The following ANXA3 variants were observed in gnomAD, a reference collection of about 807,000 sequenced individuals.
ANXA3 encodes 35-alpha calcimedin.
ANXA3 carries 46 observed loss-of-function variants against 48.8 expected under a neutral mutation model. The observed-to-expected ratio is 0.94, with a 90% CI of 0.74 to 1.21. The LOEUF (loss-of-function observed/expected upper bound fraction) is 1.21, where lower values mean the gene tolerates loss of function less well. Among genes scored for constraint, ANXA3 ranks in the 50% most tolerant of loss-of-function variants. ANXA3 has a pLI of 0.00. For missense variants in ANXA3, 383 were observed against 378.6 expected, an observed-to-expected ratio of 1.01 and a Z score of -0.10; for synonymous variants, 128 against 134.7, an observed-to-expected ratio of 0.95 and a Z score of 0.35.
intron 12 of ANXA3, among the ~76,000 whole-genome samples, chr4:78,606,782 T>A (rs1039714476): frequency 6.7e-5 from 6 of 89,854 alleles, no homozygotes; most frequent in South Asian, 4.4e-4. Flanking sequence ...CACTAAACTT[T>A]TACAGAAAGA....
At chr4:78,556,026 G>T (rs1211462817) in intron 2 of ANXA3, among the ~76,000 whole-genome samples, 1 of 152,000 alleles carries the variant, frequency 6.6e-6, no homozygotes, top group Non-Finnish European at 1.5e-5. Context: ...TACACTTTTG[G>T]ATAGTATTTT....
intron 2 of ANXA3, among the ~76,000 whole-genome samples, chr4:78,559,529 CA>C (rs1240217066): frequency 6.6e-6 from 1 of 152,158 alleles, no homozygotes; most frequent in East Asian, 1.9e-4. Flanking sequence ...ACTCTGCAAC[CA>C]AGGGATAAGA....
In ANXA3 at chr4:78,610,181, A is replaced by C; in HGVS notation, c.*66A>C. On this transcript the variant is annotated 3_prime_UTR_variant, in exon 13 of 13. Coordinates refer to ENST00000264908, the MANE Select transcript of ANXA3 (RefSeq NM_005139.3). ...CAACAGCTCCACCTTACTTCTTCTC[A>C]TACTATTTAAGAGAACAAGCAAATA... 17 of 1,175,516 alleles carry C rather than the reference A, an allele frequency of 1.4e-5. No homozygotes were observed. Among genetic ancestry groups the C allele is most frequent in the Non-Finnish European group, 1.9e-5 (15 of 804,258 alleles). The allele number at this position is 1,175,516 out of a possible 1,614,324, so 72.8% of individuals were successfully genotyped here.
At chr4:78,575,444 G>A (rs369929494) in intron 3 of ANXA3, among the ~76,000 whole-genome samples, 31 of 152,200 alleles carry the variant, frequency 2.0e-4, no homozygotes, top group Middle Eastern at 3.4e-3. Flanking sequence ...GGTCTTTCCC[G>A]TGCTGTTCTC....
Position 78,597,318 on chromosome 4 carries a change from GCATTTGATGAATA to G in ANXA3, c.637_649del (p.Phe213GlufsTer12). 1 of 1,591,902 alleles carries G rather than the reference GCATTTGATGAATA, an allele frequency of 6.3e-7. No individual in the cohort carries two copies. Among genetic ancestry groups the G allele is most frequent in the East Asian group, 2.2e-5 (1 of 44,580 alleles). On this transcript the variant is annotated frameshift_variant and splice_region_variant, in exon 10 of 13. Coordinates refer to ENST00000264908, the MANE Select transcript of ANXA3 (RefSeq NM_005139.3). LOFTEE classifies it high-confidence loss of function. ...AATAATTTTGTGGTGCTTCTTTTTA[GCATTTGATGAATA>G]CAGAAATATCAGCCAAAAGGACATT... is the stretch of plus-strand genomic sequence containing the variant.
intron 9 of ANXA3, 75 bp from the exon 10 acceptor site, chr4:78,597,244 C>A: frequency 2.1e-6 from 2 of 944,404 alleles, no homozygotes; most frequent in Non-Finnish European, 3.3e-6. Context: ...TTCTGCATAT[C>A]AAATAAAAAA....
At chr4:78,570,938 T>C (rs1345291643) in intron 2 of ANXA3, 1 of 152,234 alleles carries the variant, frequency 6.6e-6, no homozygotes, top group East Asian at 1.9e-4. Context: ...ATCCATAAAA[T>C]ATTTATCAAG....
intron 12 of ANXA3, 101 bp downstream of exon 12, chr4:78,604,500 C>A: frequency 1.2e-5 from 12 of 1,019,274 alleles, no homozygotes; most frequent in Non-Finnish European, 1.7e-5. Context: ...ACTTAGATTT[C>A]TCTCTCCTTG....
At chr4:78,585,640 G>T (rs1225114207) in intron 5 of ANXA3, among the ~76,000 whole-genome samples, 1 of 152,206 alleles carries the variant, frequency 6.6e-6, no homozygotes, top group Non-Finnish European at 1.5e-5. Context: ...GGTAAACTAG[G>T]AATCTCTGCT....
Position 78,578,121 on chromosome 4 carries a change from T to TA in ANXA3, c.104-896dup, listed in dbSNP as rs569083642. Among the ~76,000 whole-genome samples, 1,333 of 147,856 alleles carry TA rather than the reference T, an allele frequency of 9.0e-3. 21 individuals carry two copies. The highest frequency in any genetic ancestry group is 0.032 in the African/African-American group (1,271 of 40,176). ...TGGTGAAACCCCATCTCTACTAAAT[T>TA]AAAAAAAAAATTAGCTGGGCATGAT... On this transcript the variant is annotated intron_variant, in intron 3 of 12. Transcript: ENST00000264908.
intron 3 of ANXA3, among the ~76,000 whole-genome samples, chr4:78,578,331 A>AGAAAGGGAGGG: frequency 2.4e-5 from 1 of 41,380 alleles, no homozygotes; most frequent in Non-Finnish European, 4.4e-5. Context: ...GAGAGAGAGA[A>AGAAAGGGAGGG]AGGGAGGGAG....
chr4:78,586,894 T>G (rs1336716367), intron 6 of ANXA3, among the ~76,000 whole-genome samples: 1 of 152,180 alleles, frequency 6.6e-6, no homozygotes, highest in Non-Finnish European at 1.5e-5. Flanking sequence ...CCCACAAGAC[T>G]ACCTTCACCT....
chr4:78,597,290 T>G, intron 9 of ANXA3, 29 bp from the exon 10 acceptor site: 1 of 1,443,040 alleles, frequency 6.9e-7, no homozygotes, highest in Non-Finnish European at 9.7e-7. Context: ...CTGCGTTGCT[T>G]TAAATAATTT....
Position 78,595,794 on chromosome 4 carries a change from A to G in ANXA3, c.541A>G (p.Ile181Val). 6.3e-7 allele frequency: 1 copy of G among 1,586,504 alleles called. No individual in the cohort carries two copies. Among genetic ancestry groups the G allele is most frequent in the Non-Finnish European group, 8.7e-7 (1 of 1,155,752 alleles). The change falls in exon 9 of 13, where the codon ATT becomes GTT. Residue 181 changes from isoleucine (I) to valine (V), a missense_variant and splice_region_variant. Coordinates refer to ENST00000264908, the MANE Select transcript of ANXA3 (RefSeq NM_005139.3). ...TCTAATATCATTCTCTTGTGAATAGATTCTCTATAAAGCTGGTGAGAACAG... is the reference window on the plus strand; with the variant it reads ...TCTAATATCATTCTCTTGTGAATAGGTTCTCTATAAAGCTGGTGAGAACAG... ...DEHLAKQDAQ[I>V]LYKAGENRWG...
At chr4:78,568,164 G>A (rs1405618353) in intron 2 of ANXA3, among the ~76,000 whole-genome samples, 2 of 152,142 alleles carry the variant, frequency 1.3e-5, no homozygotes, top group Non-Finnish European at 2.9e-5. Context: ...TTTTTGGGGA[G>A]ACACAATTCA....
chr4:78,563,253 G>T (rs537941711), intron 2 of ANXA3, among the ~76,000 whole-genome samples: 4 of 152,160 alleles, frequency 2.6e-5, no homozygotes, highest in Non-Finnish European at 5.9e-5. Context: ...ATTCTGCCCA[G>T]AATATTACAA....
At chr4:78,577,816 TATC>T (rs1218938202) in intron 3 of ANXA3, among the ~76,000 whole-genome samples, 1 of 152,106 alleles carries the variant, frequency 6.6e-6, no homozygotes, top group African/African-American at 2.4e-5. Flanking sequence ...CCAAACCAGG[TATC>T]ATCGTGGGTT....
At position 78,594,862 on chromosome 4, in the gene ANXA3, A is replaced by G. The variant is rs145629495; in HGVS notation, c.484-519A>G. On this transcript the variant is annotated intron_variant, in intron 7 of 12. Coordinates refer to ENST00000264908, the MANE Select transcript of ANXA3 (RefSeq NM_005139.3). The stretch of plus-strand genomic sequence containing the variant: ...AAGACCTCTGTGTTGGGTTGGGCAC[A>G]GTGGCCCACACTTGTATTCCCAGAG... 2.3e-3 allele frequency among the ~76,000 whole-genome samples: 353 copies of G among 152,352 alleles called. 1 individual carries two copies. Among genetic ancestry groups the G allele is most frequent in the African/African-American group, 8.1e-3 (338 of 41,582 alleles).
chr4:78,583,373 T>C (rs1578398158), intron 5 of ANXA3, among the ~76,000 whole-genome samples: 2 of 151,790 alleles, frequency 1.3e-5, no homozygotes, highest in Non-Finnish European at 2.9e-5. Context: ...TTGGAAAGAA[T>C]TGGAGGCCAT....
Sources: allele counts gnomAD v4.1 joint callset (sites outside exome capture counted in the v4.1 genomes callset), GRCh38; gene constraint gnomAD v4.1.1; transcripts MANE v1.5; gene names NCBI Gene and HGNC (gene_info 2026-07-23, HGNC 2026-07-21).